TTYH1: variants seen among roughly 807,000 people sequenced by gnomAD.
The protein encoded by TTYH1 is tweety family member 1, also known as protein tweety homolog 1.
TTYH1 carries 33 observed loss-of-function variants against 61.2 expected under a neutral mutation model. That is an observed-to-expected ratio of 0.54 (90% CI 0.41 to 0.72). The LOEUF (loss-of-function observed/expected upper bound fraction) is 0.72. TTYH1 is among the 30% of genes least tolerant of loss of function. The pLI is 0.00. For missense variants in TTYH1, 538 were observed against 575.8 expected, an observed-to-expected ratio of 0.93 and a Z score of 0.67; for synonymous variants, 308 against 266.4, an observed-to-expected ratio of 1.16 and a Z score of -1.52.
intron 10 of TTYH1, 100 bp from the exon 11 acceptor site, chr19:54,435,442 T>C: frequency 7.0e-7 from 1 of 1,418,810 alleles, no homozygotes; most frequent in South Asian, 1.3e-5. Flanking sequence ...AGTTGACGTG[T>C]GCAGTACCAC....
intron 5 of TTYH1, 98 bp downstream of exon 5, chr19:54,426,866 C>A: frequency 9.1e-7 from 1 of 1,104,828 alleles, no homozygotes; most frequent in Non-Finnish European, 1.3e-6. Flanking sequence ...GACCGTGGTC[C>A]TTCACGGCCG....
In TTYH1 at chr19:54,436,315, C is replaced by T. The variant is rs754679823; in HGVS notation, c.*43-18C>T. The T allele has an allele frequency of 6.2e-7, 1 of 1,614,038 alleles. No homozygotes were observed. On this transcript the variant is annotated intron_variant, in intron 13 of 13. Coordinates refer to ENST00000376530, the MANE Select transcript of TTYH1 (RefSeq NM_020659.4). This position sits in a 1 kb window ranked among gnomAD's most constrained non-coding sequence, Gnocchi z 4.3. Reference sequence around the variant, plus strand: ...CCTCCAGCCTGCATCACTGCCCTGTCTCTCCCTCTCTCCGCAGTTCCTTCC... The same window carrying T: ...CCTCCAGCCTGCATCACTGCCCTGTTTCTCCCTCTCTCCGCAGTTCCTTCC...
At chr19:54,422,842 T>C (rs2083245567) in intron 4 of TTYH1, among the ~76,000 whole-genome samples, 1 of 143,124 alleles carries the variant, frequency 7.0e-6, no homozygotes, top group African/African-American at 2.7e-5. Flanking sequence ...GGCAGGAGAA[T>C]CCCTTGAACC....
At position 54,415,687 on chromosome 19, in the gene TTYH1, G is replaced by T; in HGVS notation, c.126+9G>T. ...AGCAGGAATACCAGCAGGTGGGACC[G>T]GGCGCCAGGGCCTGGGGGCCAGGGC... On this transcript the variant is annotated intron_variant, in intron 1 of 13. Transcript: ENST00000376530. The surrounding 1 kb of genome is among the most constrained non-coding windows in gnomAD (Gnocchi z 5.2). 1 of 1,540,934 alleles carries T rather than the reference G, an allele frequency of 6.5e-7. No homozygotes were observed. Among genetic ancestry groups the T allele is most frequent in the Non-Finnish European group, 8.7e-7 (1 of 1,150,520 alleles).
rs1569247455 is a variant in TTYH1, at chr19:54,416,029, G to A, written c.126+351G>A. On this transcript the variant is annotated intron_variant, in intron 1 of 13. Coordinates refer to ENST00000376530, the MANE Select transcript of TTYH1 (RefSeq NM_020659.4). The surrounding 1 kb of genome is among the most constrained non-coding windows in gnomAD (Gnocchi z 7.0). ...TCGGGAGGGTAGGTCTACTCTTCCT[G>A]CCCTAAAAGATGACCCTGCCCCACA... The A allele has an allele frequency of 3.8e-6, 5 of 1,322,626 alleles. No homozygotes were observed. Among genetic ancestry groups the A allele is most frequent in the Non-Finnish European group, 5.0e-6 (5 of 1,001,096 alleles). 81.9% of individuals were successfully genotyped at this position (1,322,626 alleles called of 1,614,324 possible).
rs371433152 is a variant in TTYH1 at position 54,421,715 on chromosome 19, C to G, written c.417+327C>G. On this transcript the variant is annotated intron_variant, in intron 3 of 13. Coordinates refer to ENST00000376530, the MANE Select transcript of TTYH1 (RefSeq NM_020659.4). The surrounding 1 kb of genome is among the most constrained non-coding windows in gnomAD (Gnocchi z 4.8). ...ACCTGATTCTTGGCCCGTAAGCAAG[C>G]TCAGGGACCCCCGCCCTGAGGCCCA... 1.0e-3 allele frequency among the ~76,000 whole-genome samples: 156 copies of G among 152,166 alleles called. 1 individual carries two copies. Among genetic ancestry groups the G allele is most frequent in the African/African-American group, 3.3e-3 (137 of 41,540 alleles).
intron 4 of TTYH1, among the ~76,000 whole-genome samples, chr19:54,424,147 C>A (rs544319129): frequency 1.2e-4 from 18 of 149,282 alleles, no homozygotes; most frequent in Non-Finnish European, 1.2e-4. Flanking sequence ...GGTGACGGAG[C>A]GAGAATCCGT....
rs778921528 is a variant in TTYH1, at chr19:54,436,319, C to T, written c.*43-14C>T. ...CAGCCTGCATCACTGCCCTGTCTCT[C>T]CCTCTCTCCGCAGTTCCTTCCCTGG... On this transcript the variant is annotated splice_polypyrimidine_tract_variant and intron_variant, in intron 13 of 13. Transcript: ENST00000376530. The surrounding 1 kb of genome is among the most constrained non-coding windows in gnomAD (Gnocchi z 4.3). 5.0e-6 allele frequency: 8 copies of T among 1,613,956 alleles called. No homozygotes were observed. Among genetic ancestry groups the T allele is most frequent in the South Asian group, 1.1e-5 (1 of 91,084 alleles).
chr19:54,430,881 T>G lies in TTYH1; in HGVS notation c.1008T>G (p.Ala336=). ...AGCTGCTGGGCCTGGAGCGAGAAGC[T>G]GTGCCTCAGTTCCCTTCAGCGCAGG... ...HSQLLGLERE[A]VPQFPSAQKP... The change falls in exon 9 of 14, where the codon GCT becomes GCG. Residue 336 remains alanine (A), a synonymous_variant. Coordinates refer to ENST00000376530, the MANE Select transcript of TTYH1 (RefSeq NM_020659.4). 1 of 1,613,484 alleles carries G rather than the reference T, an allele frequency of 6.2e-7. No individual in the cohort carries two copies. The highest frequency in any genetic ancestry group is 1.1e-5 in the South Asian group (1 of 91,076).
At chr19:54,431,735 T>C (rs924651923) in intron 10 of TTYH1, 1 of 156,676 alleles carries the variant, frequency 6.4e-6, no homozygotes, top group East Asian at 1.9e-4. Flanking sequence ...GTGGGCAGGG[T>C]GCCCAGGAGG....
At position 54,421,131 on chromosome 19, in the gene TTYH1, C is replaced by A; in HGVS notation, c.306-146C>A. Reference sequence around the variant, plus strand: ...CGACGGGGGCCAGGCTGAAGTCGCCCTTTTCCCACGGGCTGGCCCAATGAG... The same window carrying A: ...CGACGGGGGCCAGGCTGAAGTCGCCATTTTCCCACGGGCTGGCCCAATGAG... On this transcript the variant is annotated intron_variant, in intron 2 of 13. Coordinates refer to ENST00000376530, the MANE Select transcript of TTYH1 (RefSeq NM_020659.4). This position sits in a 1 kb window ranked among gnomAD's most constrained non-coding sequence, Gnocchi z 4.8. The A allele has an allele frequency of 1.6e-6, 1 of 632,042 alleles. No individual in the cohort carries two copies. Among genetic ancestry groups the A allele is most frequent in the South Asian group, 1.8e-5 (1 of 55,414 alleles). The allele number at this position is 632,042 out of a possible 1,614,324, so 39.2% of individuals were successfully genotyped here.
rs1216381196 is a variant in TTYH1 at position 54,415,980 on chromosome 19, C to G, written c.126+302C>G. On this transcript the variant is annotated intron_variant, in intron 1 of 13. Coordinates refer to ENST00000376530, the MANE Select transcript of TTYH1 (RefSeq NM_020659.4). The surrounding 1 kb of genome is among the most constrained non-coding windows in gnomAD (Gnocchi z 5.2). ...GGATTCCCGGGTGTCTGATACCTGC[C>G]TGGGAAGCCGGCCTCCAGGGTCATC... 2.3e-6 allele frequency: 3 copies of G among 1,296,760 alleles called. No homozygotes were observed. Among genetic ancestry groups the G allele is most frequent in the Non-Finnish European group, 2.1e-6 (2 of 968,512 alleles). The allele number at this position is 1,296,760 out of a possible 1,614,324, so 80.3% of individuals were successfully genotyped here. A position where few individuals can be genotyped will look rare whatever the true frequency, so the allele number is the denominator to read the frequency against.
chr19:54,423,474 A>G (rs2083260712), intron 4 of TTYH1, among the ~76,000 whole-genome samples: 1 of 152,030 alleles, frequency 6.6e-6, no homozygotes, highest in Non-Finnish European at 1.5e-5. Flanking sequence ...GTTCAGCACT[A>G]TTTATTTAGC....
In TTYH1 at chr19:54,420,279, G is replaced by A. The variant is rs981970229; in HGVS notation, c.305+973G>A. Among the ~76,000 whole-genome samples, 29 of 152,210 alleles carry A rather than the reference G, an allele frequency of 1.9e-4. No individual in the cohort carries two copies. Among genetic ancestry groups the A allele is most frequent in the African/African-American group, 6.8e-4 (28 of 41,444 alleles). On this transcript the variant is annotated intron_variant, in intron 2 of 13. Coordinates refer to ENST00000376530, the MANE Select transcript of TTYH1 (RefSeq NM_020659.4). The surrounding 1 kb of genome is among the most constrained non-coding windows in gnomAD (Gnocchi z 4.8). Reference sequence around the variant, plus strand: ...CTGCCCCGGACCCACAGCGGGCAAGGGGAGGGACCTGTAGGGGTGGCCTGT... The same window carrying A: ...CTGCCCCGGACCCACAGCGGGCAAGAGGAGGGACCTGTAGGGGTGGCCTGT...
chr19:54,435,768 G>C, intron 11 of TTYH1, 60 bp from the exon 12 acceptor site: 1 of 1,612,940 alleles, frequency 6.2e-7, no homozygotes, highest in Non-Finnish European at 8.5e-7. Flanking sequence ...GGGGTGGGGG[G>C]TGCAGCCTCC....
Position 54,436,632 on chromosome 19 carries a change from A to C in TTYH1, c.*342A>C, listed in dbSNP as rs1246410683. On this transcript the variant is annotated 3_prime_UTR_variant, in exon 14 of 14. Transcript: ENST00000376530. This position sits in a 1 kb window ranked among gnomAD's most constrained non-coding sequence, Gnocchi z 4.3. ...CCCCCTGCTGCCCCTGCCACATCCCAGTGGGCTCTGACCCCCTGATCTCAA... is the reference window on the plus strand; with the variant it reads ...CCCCCTGCTGCCCCTGCCACATCCCCGTGGGCTCTGACCCCCTGATCTCAA... 1.7e-6 allele frequency: 1 copy of C among 571,570 alleles called. No individual in the cohort carries two copies. The highest frequency in any genetic ancestry group is 1.9e-5 in the African/African-American group (1 of 53,400). 35.4% of individuals were successfully genotyped at this position (571,570 alleles called of 1,614,324 possible). A position where few individuals can be genotyped will look rare whatever the true frequency, so the allele number is the denominator to read the frequency against.
At position 54,415,497 on chromosome 19, in the gene TTYH1, C is replaced by A; in HGVS notation, c.-56C>A. 7.5e-7 allele frequency: 1 copy of A among 1,336,304 alleles called. No individual in the cohort carries two copies. 82.8% of individuals were successfully genotyped at this position (1,336,304 alleles called of 1,614,324 possible). The stretch of plus-strand genomic sequence containing the variant: ...CCCGCGCCGCCCGCGCCCCGCTCGA[C>A]TCCGGAGGCTCCCGCAGCCCCGGCG... On this transcript the variant is annotated 5_prime_UTR_variant, in exon 1 of 14. Coordinates refer to ENST00000376530, the MANE Select transcript of TTYH1 (RefSeq NM_020659.4). This position sits in a 1 kb window ranked among gnomAD's most constrained non-coding sequence, Gnocchi z 5.2.
intron 7 of TTYH1, 77 bp from the exon 8 acceptor site, chr19:54,430,473 C>T (rs1455454766): frequency 6.6e-7 from 1 of 1,519,040 alleles, no homozygotes; most frequent in Non-Finnish European, 9.1e-7. Context: ...GCTAACCCCC[C>T]AGTGCCCGGC....
chr19:54,417,020 C>T, intron 1 of TTYH1: 1 of 1,149,494 alleles, frequency 8.7e-7, no homozygotes, highest in Non-Finnish European at 1.1e-6. Context: ...CCGAGGAGGG[C>T]AAGGGGGACC....
Sources: allele counts gnomAD v4.1 joint callset (sites outside exome capture counted in the v4.1 genomes callset), GRCh38; gene constraint gnomAD v4.1.1; non-coding constraint Gnocchi (gnomAD v3.1); transcripts MANE v1.5; gene names NCBI Gene and HGNC (gene_info 2026-07-23, HGNC 2026-07-21).